Variants in GALNT10 observed in about 807,000 individuals in gnomAD.
GALNT10 encodes polypeptide N-acetylgalactosaminyltransferase 10, also known as GalNAc transferase 10.
In GALNT10, 41 loss-of-function variants were observed where a neutral mutation model predicts 75.0. That is an observed-to-expected ratio of 0.55 (90% CI 0.43 to 0.71). The LOEUF (loss-of-function observed/expected upper bound fraction) is 0.71, where lower values mean the gene tolerates loss of function less well. GALNT10 is among the 30% of genes least tolerant of loss of function. The probability of loss-of-function intolerance (pLI) is 0.00; values close to 1 mark genes in which losing one functional copy is unlikely to be tolerated. For synonymous variants in GALNT10, 302 were observed against 313.0 expected (o/e 0.96, Z 0.37); for missense variants, 727 against 818.5 (o/e 0.89, Z 1.36).
At chr5:154,216,978 C>T (rs533462844) in intron 1 of GALNT10, among the ~76,000 whole-genome samples, 4 of 152,282 alleles carry the variant, frequency 2.6e-5, no homozygotes, top group South Asian at 2.1e-4. Flanking sequence ...TGCCCAACCC[C>T]GGGAAGCACT....
chr5:154,293,746 C>A (rs182457304), intron 1 of GALNT10, among the ~76,000 whole-genome samples: 1 of 151,876 alleles, frequency 6.6e-6, no homozygotes, highest in Non-Finnish European at 1.5e-5. Context: ...CTTTTGCTTG[C>A]GGCACTCCTT....
chr5:154,225,464 C>T (rs1428653247), intron 1 of GALNT10, among the ~76,000 whole-genome samples: 1 of 151,578 alleles, frequency 6.6e-6, no homozygotes, highest in Non-Finnish European at 1.5e-5. Flanking sequence ...GATCATGGCT[C>T]ACTGCAGCCT....
intron 5 of GALNT10, 128 bp from the exon 6 acceptor site, chr5:154,380,319 TC>T: frequency 4.0e-6 from 3 of 748,608 alleles, no homozygotes; most frequent in Non-Finnish European, 6.8e-6. Flanking sequence ...CAGTCTCCCT[TC>T]CCCTCCATGG....
intron 4 of GALNT10, chr5:154,338,471 C>T (rs550969740): frequency 3.6e-5 from 10 of 274,424 alleles, no homozygotes; most frequent in Non-Finnish European, 2.1e-5. Context: ...TGGGAGGAGA[C>T]TTTAATGGTG....
intron 4 of GALNT10, among the ~76,000 whole-genome samples, chr5:154,355,977 C>G (rs964071232): frequency 5.9e-5 from 9 of 152,266 alleles, no homozygotes; most frequent in African/African-American, 1.7e-4. Context: ...GGTCATAGAC[C>G]GAGTACCTGG....
At chr5:154,411,968 G>A (rs116123061) in intron 9 of GALNT10, among the ~76,000 whole-genome samples, 2,212 of 152,252 alleles carry the variant, frequency 0.015, 44 homozygotes, top group African/African-American at 0.05. Flanking sequence ...GGAAGCTTTG[G>A]CCAGGTTGAT....
intron 1 of GALNT10, among the ~76,000 whole-genome samples, chr5:154,285,282 C>T (rs2434536): frequency 6.6e-6 from 1 of 152,162 alleles, no homozygotes; most frequent in Non-Finnish European, 1.5e-5. Flanking sequence ...CACCACCACC[C>T]TTGTAGGATT....
chr5:154,356,825 C>T (rs1355018683), intron 4 of GALNT10, among the ~76,000 whole-genome samples: 2 of 152,198 alleles, frequency 1.3e-5, no homozygotes, highest in Non-Finnish European at 2.9e-5. Flanking sequence ...CCAACAAGGA[C>T]CTTGGGTTTT....
intron 1 of GALNT10, among the ~76,000 whole-genome samples, chr5:154,242,478 TC>T (rs2113668883): frequency 6.6e-6 from 1 of 152,314 alleles, no homozygotes; most frequent in South Asian, 2.1e-4. Context: ...TGTATTATGC[TC>T]TTTGAATACT....
intron 4 of GALNT10, among the ~76,000 whole-genome samples, chr5:154,364,411 A>T (rs1382109960): frequency 6.6e-6 from 1 of 152,186 alleles, no homozygotes; most frequent in Admixed American, 6.5e-5. Flanking sequence ...GGTAGGGGAC[A>T]TTTCTGTAAG....
At chr5:154,410,184 A>G (rs1756367285) in intron 9 of GALNT10, among the ~76,000 whole-genome samples, 1 of 152,164 alleles carries the variant, frequency 6.6e-6, no homozygotes, top group Non-Finnish European at 1.5e-5. Flanking sequence ...TAATGTGCAT[A>G]TTCTTCCAAC....
At chr5:154,204,649 A>G (rs1775079937) in intron 1 of GALNT10, among the ~76,000 whole-genome samples, 1 of 152,140 alleles carries the variant, frequency 6.6e-6, no homozygotes, top group African/African-American at 2.4e-5. Flanking sequence ...TCCTGCCTGT[A>G]ATACTCTTCC....
chr5:154,220,593 C>G (rs948113138), intron 1 of GALNT10: 1 of 152,166 alleles, frequency 6.6e-6, no homozygotes, highest in African/African-American at 2.4e-5. Flanking sequence ...TGGAAGTTAC[C>G]AGGACAGACC....
intron 3 of GALNT10, among the ~76,000 whole-genome samples, chr5:154,304,570 T>C (rs910727413): frequency 2.6e-5 from 4 of 152,150 alleles, no homozygotes; most frequent in African/African-American, 9.7e-5. Context: ...AGTGAAAATA[T>C]CTTTTTTAAA....
chr5:154,295,471 G>A (rs1003592410), intron 2 of GALNT10, among the ~76,000 whole-genome samples: 1 of 152,156 alleles, frequency 6.6e-6, no homozygotes, highest in Non-Finnish European at 1.5e-5. Flanking sequence ...TTTGAACCCA[G>A]GTCTGGAGGG....
intron 1 of GALNT10, among the ~76,000 whole-genome samples, chr5:154,287,892 G>C (rs1358005268): frequency 2.7e-5 from 3 of 111,206 alleles, no homozygotes; most frequent in Non-Finnish European, 5.8e-5. Flanking sequence ...TTGCTTTGCT[G>C]TGTGTGTGTG....
At chr5:154,274,818 A>G (rs1434636936) in intron 1 of GALNT10, among the ~76,000 whole-genome samples, 1 of 152,196 alleles carries the variant, frequency 6.6e-6, no homozygotes, top group Non-Finnish European at 1.5e-5. Context: ...AAAAATGAAC[A>G]TCTAGTTCCA....
intron 3 of GALNT10, among the ~76,000 whole-genome samples, chr5:154,300,876 G>A (rs1331390523): frequency 6.6e-6 from 1 of 152,224 alleles, no homozygotes; most frequent in East Asian, 1.9e-4. Context: ...CCGGAGGGGT[G>A]CTATCTACAG....
intron 4 of GALNT10, among the ~76,000 whole-genome samples, chr5:154,369,794 G>C (rs1581995929): frequency 6.6e-6 from 1 of 152,248 alleles, no homozygotes; most frequent in Admixed American, 6.5e-5. Flanking sequence ...CCAGCAGCCA[G>C]AGAACCAATG....
Sources: allele counts gnomAD v4.1 joint callset (sites outside exome capture counted in the v4.1 genomes callset), GRCh38; gene constraint gnomAD v4.1.1; transcripts MANE v1.5; gene names NCBI Gene and HGNC (gene_info 2026-07-23, HGNC 2026-07-21).